PTK2: variants seen among roughly 807,000 people sequenced by gnomAD.
The protein encoded by PTK2 is focal adhesion kinase 1.
In PTK2, 45 loss-of-function variants were observed where a neutral mutation model predicts 150.1. The ratio of observed to expected loss-of-function variants is 0.30; its 90% CI spans 0.24 to 0.38. PTK2 has a LOEUF of 0.38. Ranked by LOEUF, PTK2 falls within the 10% of genes least tolerant of loss-of-function variation. The probability of loss-of-function intolerance (pLI) is 1.00; values close to 1 mark genes in which losing one functional copy is unlikely to be tolerated. For synonymous variants in PTK2, 432 were observed against 449.2 expected (o/e 0.96, Z 0.48); for missense variants, 919 against 1,307.3 (o/e 0.70, Z 4.58).
intron 21 of PTK2, among the ~76,000 whole-genome samples, chr8:140,738,016 G>A (rs1217017847): frequency 2.0e-5 from 3 of 151,880 alleles, no homozygotes; most frequent in Non-Finnish European, 4.4e-5. Flanking sequence ...GTAAACAGAA[G>A]AAAAAAATAA....
At chr8:140,973,187 G>A (rs932865637) in intron 1 of PTK2, among the ~76,000 whole-genome samples, 7 of 152,136 alleles carry the variant, frequency 4.6e-5, no homozygotes, top group Admixed American at 2.6e-4. Context: ...AGGATTAACC[G>A]CCTTGCTCAA....
At chr8:140,927,774 G>T (rs2100170015) in intron 1 of PTK2, among the ~76,000 whole-genome samples, 1 of 150,966 alleles carries the variant, frequency 6.6e-6, no homozygotes, top group Non-Finnish European at 1.5e-5. Context: ...CGACCAACAT[G>T]GTAAAACCCC....
intron 29 of PTK2, among the ~76,000 whole-genome samples, chr8:140,670,758 T>C (rs958358116): frequency 3.9e-5 from 6 of 152,132 alleles, no homozygotes; most frequent in Non-Finnish European, 7.4e-5. Flanking sequence ...AGTGTGGTCT[T>C]CTGTTTAACT....
rs189458014 is a variant in PTK2 at position 140,989,865 on chromosome 8, A to C, written c.-122+11260T>G. 3.4e-3 allele frequency among the ~76,000 whole-genome samples: 517 copies of C among 150,832 alleles called. 6 individuals carry two copies. The highest frequency in any genetic ancestry group is 0.012 in the African/African-American group (500 of 41,148). ...GGAGGTTGCGGTGAGCCGAGGTTGC[A>C]CCAGTGCACTCCAGTCTGGGCAACA... On this transcript the variant is annotated intron_variant, in intron 1 of 31. Transcript: ENST00000522684.
At chr8:140,962,220 A>T (rs1163912205) in intron 1 of PTK2, among the ~76,000 whole-genome samples, 62 of 47,138 alleles carry the variant, frequency 1.3e-3, no homozygotes, top group African/African-American at 2.7e-3. Flanking sequence ...CTCAAAATTT[A>T]AAAAAAAAAA....
At chr8:140,859,396 C>T (rs368126192) in intron 5 of PTK2, among the ~76,000 whole-genome samples, 4 of 151,944 alleles carry the variant, frequency 2.6e-5, no homozygotes, top group East Asian at 1.9e-4. Context: ...ATTATCACAC[C>T]TTATAAAAGA....
At chr8:140,731,528 C>T (rs1592636891) in intron 22 of PTK2, among the ~76,000 whole-genome samples, 2 of 152,110 alleles carry the variant, frequency 1.3e-5, no homozygotes, top group East Asian at 3.8e-4. Flanking sequence ...AAAGTAGGAC[C>T]AAGGTGATTT....
chr8:140,951,402 C>T lies in PTK2; in HGVS notation c.-121-25653G>A, dbSNP rs1461360628. On this transcript the variant is annotated intron_variant, in intron 1 of 31. Coordinates refer to ENST00000522684, the Ensembl canonical transcript of PTK2. ...GTGAAATAAGGGACCTATATCTCAG[C>T]ATTACATCATGAAATTCAATGGATT... 2.0e-5 allele frequency among the ~76,000 whole-genome samples: 3 copies of T among 152,282 alleles called. No homozygotes were observed. In the South Asian group the frequency reaches 6.2e-4, roughly 32 times the overall value.
chr8:140,882,278 C>T (rs878962952), intron 3 of PTK2, among the ~76,000 whole-genome samples: 1 of 152,110 alleles, frequency 6.6e-6, no homozygotes, highest in Non-Finnish European at 1.5e-5. Flanking sequence ...CTGAGAACTA[C>T]GTATTTAGTG....
intron 16 of PTK2, among the ~76,000 whole-genome samples, chr8:140,760,427 G>A (rs550702574): frequency 4.8e-4 from 73 of 152,150 alleles, no homozygotes; most frequent in African/African-American, 1.7e-3. Context: ...AACACATACC[G>A]CAACATGGAT....
chr8:140,901,791 G>A (rs1292399846), intron 2 of PTK2, among the ~76,000 whole-genome samples: 8 of 151,730 alleles, frequency 5.3e-5, no homozygotes, highest in South Asian at 4.2e-4. Context: ...TTCTCATAAC[G>A]CTATCCCTCC....
At chr8:140,668,455 C>T (rs768868128) in intron 29 of PTK2, 31 bp from the exon 34 acceptor site, 1 of 1,586,114 alleles carries the variant, frequency 6.3e-7, no homozygotes, top group African/African-American at 1.3e-5. Context: ...CATTTTTCTG[C>T]TCTCCAGCAG....
At chr8:140,884,279 GCT>G (rs999649315) in intron 3 of PTK2, among the ~76,000 whole-genome samples, 1 of 152,122 alleles carries the variant, frequency 6.6e-6, no homozygotes, top group Admixed American at 6.5e-5. Context: ...TCTTCCTCGT[GCT>G]CTGTTAGCTT....
intron 22 of PTK2, among the ~76,000 whole-genome samples, chr8:140,730,907 T>C (rs1302983313): frequency 6.7e-6 from 1 of 149,576 alleles, no homozygotes; most frequent in Non-Finnish European, 1.5e-5. Context: ...TTCCCTGTCA[T>C]AGTACCTAAC....
chr8:140,967,241 G>T (rs1273010620), intron 1 of PTK2, among the ~76,000 whole-genome samples: 1 of 152,224 alleles, frequency 6.6e-6, no homozygotes, highest in Admixed American at 6.5e-5. Flanking sequence ...AATTAACCAC[G>T]TAATATTGTT....
At chr8:140,889,334 T>C (rs2100153447) in intron 3 of PTK2, among the ~76,000 whole-genome samples, 1 of 152,054 alleles carries the variant, frequency 6.6e-6, no homozygotes, top group Non-Finnish European at 1.5e-5. Flanking sequence ...GGTTCAAGTG[T>C]TTCTCCTGTC....
At chr8:140,735,983 G>A (rs2100052376) in intron 21 of PTK2, among the ~76,000 whole-genome samples, 1 of 152,188 alleles carries the variant, frequency 6.6e-6, no homozygotes, top group Non-Finnish European at 1.5e-5. Flanking sequence ...ACTGGTCACT[G>A]TTTTCCCCCA....
intron 14 of PTK2, among the ~76,000 whole-genome samples, chr8:140,767,297 C>A (rs2100072852): frequency 6.7e-6 from 1 of 150,064 alleles, no homozygotes. Flanking sequence ...TACATAAAAT[C>A]TCTGGGGATG....
At chr8:140,833,760 T>C (rs1407344673) in intron 7 of PTK2, among the ~76,000 whole-genome samples, 2 of 152,194 alleles carry the variant, frequency 1.3e-5, no homozygotes, top group East Asian at 1.9e-4. Context: ...ATATTAACTG[T>C]CAAAGGATAT....
Sources: gnomAD v4.1 joint callset for allele counts (sites outside exome capture counted in the v4.1 genomes callset) on GRCh38, gnomAD v4.1.1 for gene constraint, MANE v1.5 for transcripts, NCBI Gene and HGNC (gene_info 2026-07-23, HGNC 2026-07-21) for gene names.